The following MYT1L variants were observed in gnomAD, a reference collection of about 807,000 sequenced individuals.
The protein encoded by MYT1L is myelin transcription factor 1 like.
Under a neutral mutation model 126.7 loss-of-function variants are expected in MYT1L, and 12 were observed. The ratio of observed to expected loss-of-function variants is 0.09; its 90% CI spans 0.06 to 0.15. The LOEUF (loss-of-function observed/expected upper bound fraction) is 0.15, where lower values mean the gene tolerates loss of function less well. Ranked by LOEUF, MYT1L falls within the 10% of genes least tolerant of loss-of-function variation. The probability of loss-of-function intolerance (pLI) is 1.00; values close to 1 mark genes in which losing one functional copy is unlikely to be tolerated. For synonymous variants in MYT1L, 541 were observed against 604.2 expected, an observed-to-expected ratio of 0.90 and a Z score of 1.53; for missense variants, 979 against 1,585.2, an observed-to-expected ratio of 0.62 and a Z score of 6.49.
chr2:1,833,239 T>A (rs1558691055), intron 21 of MYT1L, among the ~76,000 whole-genome samples: 2 of 152,138 alleles, frequency 1.3e-5, no homozygotes. Context: ...CTTATGTGAG[T>A]CTGTTCCCTC....
chr2:2,242,864 T>C (rs2149154438), intron 2 of MYT1L, among the ~76,000 whole-genome samples: 1 of 152,270 alleles, frequency 6.6e-6, no homozygotes, highest in African/African-American at 2.4e-5. Context: ...TGCCCAAGTT[T>C]TAGCAACAAA....
intron 21 of MYT1L, among the ~76,000 whole-genome samples, chr2:1,810,700 G>A (rs549866547): frequency 1.2e-3 from 181 of 152,182 alleles, no homozygotes; most frequent in African/African-American, 4.3e-3. Context: ...TAAGAAAACA[G>A]GAAAATTCAT....
At chr2:1,796,917 C>G in intron 23 of MYT1L, among the ~76,000 whole-genome samples, 1 of 152,350 alleles carries the variant, frequency 6.6e-6, no homozygotes, top group South Asian at 2.1e-4. Flanking sequence ...CTGCTCTCTC[C>G]TCCTCAGCGG....
At chr2:2,117,245 G>A (rs914668185) in intron 3 of MYT1L, among the ~76,000 whole-genome samples, 2 of 152,144 alleles carry the variant, frequency 1.3e-5, no homozygotes, top group African/African-American at 4.8e-5. Flanking sequence ...AAATACAGGT[G>A]GGATCTTCTC....
chr2:2,037,527 G>A (rs1365089443), intron 4 of MYT1L, among the ~76,000 whole-genome samples: 1 of 151,506 alleles, frequency 6.6e-6, no homozygotes, highest in Non-Finnish European at 1.5e-5. Flanking sequence ...AAGCCAAGGT[G>A]GCCAGATCAT....
intron 2 of MYT1L, among the ~76,000 whole-genome samples, chr2:2,180,005 A>T (rs2091237439): frequency 1.3e-5 from 2 of 152,208 alleles, no homozygotes; most frequent in South Asian, 4.1e-4. Flanking sequence ...TGATCCGTTC[A>T]TACCTTCACA....
intron 21 of MYT1L, chr2:1,816,968 G>C (rs1269409961): frequency 1.3e-5 from 2 of 152,222 alleles, no homozygotes; most frequent in African/African-American, 4.8e-5. Flanking sequence ...GCTCCAGAGG[G>C]GCTGCACACG....
At position 1,979,421 on chromosome 2, in the gene MYT1L, G is replaced by C. The variant is rs1194062195; in HGVS notation, c.89+100C>G. On this transcript the variant is annotated intron_variant, in intron 7 of 24. Transcript: ENST00000647738. This position sits in a 1 kb window ranked among gnomAD's most constrained non-coding sequence, Gnocchi z 4.0. ...TAATTTCATCAGTGCAGCAGGGCGTGAGCAAGCTGCCGATGAGCTGGAAGG... is the reference window on the plus strand; with the variant it reads ...TAATTTCATCAGTGCAGCAGGGCGTCAGCAAGCTGCCGATGAGCTGGAAGG... 17 of 1,267,366 alleles carry C rather than the reference G, an allele frequency of 1.3e-5. No homozygotes were observed. The Admixed American group carries it at 2.5e-4, about 19-fold the overall frequency. The allele number at this position is 1,267,366 out of a possible 1,614,324, so 78.5% of individuals were successfully genotyped here. A position where few individuals can be genotyped will look rare whatever the true frequency, so the allele number is the denominator to read the frequency against.
intron 4 of MYT1L, among the ~76,000 whole-genome samples, chr2:2,031,129 C>A (rs948893662): frequency 8.5e-5 from 13 of 152,322 alleles, no homozygotes; most frequent in African/African-American, 2.9e-4. Context: ...TTTCTCTGCA[C>A]ATTTTAGAGA....
At chr2:2,093,263 G>A (rs958754920) in intron 3 of MYT1L, among the ~76,000 whole-genome samples, 7 of 143,406 alleles carry the variant, frequency 4.9e-5, no homozygotes, top group African/African-American at 1.5e-4. Context: ...GAAAGTCAAT[G>A]AGCCAGTATG....
chr2:2,235,185 C>T (rs2094257574), intron 2 of MYT1L, among the ~76,000 whole-genome samples: 1 of 152,078 alleles, frequency 6.6e-6, no homozygotes, highest in Admixed American at 6.5e-5. Flanking sequence ...TGTGTGTTAG[C>T]TGGTTAGCTG....
chr2:2,170,261 T>C (rs1267624528), intron 3 of MYT1L, among the ~76,000 whole-genome samples: 1 of 152,236 alleles, frequency 6.6e-6, no homozygotes, highest in Non-Finnish European at 1.5e-5. Flanking sequence ...AACTTAAGTC[T>C]TCACCATGGG....
At chr2:2,309,983 C>T (rs1439362051) in intron 1 of MYT1L, among the ~76,000 whole-genome samples, 2 of 152,008 alleles carry the variant, frequency 1.3e-5, no homozygotes, top group Non-Finnish European at 2.9e-5. Flanking sequence ...CATTGGTATA[C>T]TGTACCCATA....
chr2:2,299,893 G>A (rs914150306), intron 1 of MYT1L, among the ~76,000 whole-genome samples: 10 of 152,170 alleles, frequency 6.6e-5, no homozygotes, highest in South Asian at 2.1e-4. Context: ...TCATCTTCCG[G>A]CAGCCTACTG....
At chr2:2,161,577 T>C (rs1343631645) in intron 3 of MYT1L, among the ~76,000 whole-genome samples, 1 of 152,162 alleles carries the variant, frequency 6.6e-6, no homozygotes, top group East Asian at 1.9e-4. Flanking sequence ...TTACATAACA[T>C]AAAGAACTTG....
intron 5 of MYT1L, among the ~76,000 whole-genome samples, chr2:1,989,508 T>C (rs1487503307): frequency 2.0e-5 from 3 of 152,198 alleles, no homozygotes; most frequent in Admixed American, 2.0e-4. Context: ...TGCTGAGTTG[T>C]ACTAAATACA....
At chr2:1,905,168 G>A (rs930958733) in intron 13 of MYT1L, among the ~76,000 whole-genome samples, 10 of 151,918 alleles carry the variant, frequency 6.6e-5, no homozygotes, top group Non-Finnish European at 1.3e-4. Flanking sequence ...TTTCACATCA[G>A]CATCATTTTA....
At chr2:1,816,512 G>A (rs575575439) in intron 21 of MYT1L, 1 of 152,952 alleles carries the variant, frequency 6.5e-6, no homozygotes, top group East Asian at 1.9e-4. Flanking sequence ...AGATCCAGCA[G>A]AGAAACCAGC....
At chr2:2,306,709 C>A (rs2095864343) in intron 1 of MYT1L, among the ~76,000 whole-genome samples, 1 of 152,154 alleles carries the variant, frequency 6.6e-6, no homozygotes, top group African/African-American at 2.4e-5. Context: ...GTGCTCTGGT[C>A]ACAGCAACAG....
Sources: gnomAD v4.1 joint callset for allele counts (sites outside exome capture counted in the v4.1 genomes callset) on GRCh38, gnomAD v4.1.1 for gene constraint, Gnocchi (gnomAD v3.1) non-coding constraint, MANE v1.5 for transcripts, NCBI Gene and HGNC (gene_info 2026-07-23, HGNC 2026-07-21) for gene names.